The following ROBO2 variants were observed in gnomAD, a reference collection of about 807,000 sequenced individuals.
ROBO2 encodes roundabout homolog 2.
A neutral mutation model predicts 160.8 loss-of-function variants in ROBO2; 53 were observed. The observed-to-expected ratio is 0.33, with a 90% CI of 0.26 to 0.41. ROBO2 has a LOEUF of 0.41. Among genes scored for constraint, ROBO2 ranks in the 10% least tolerant of loss-of-function variants. The pLI is 1.00. For synonymous variants in ROBO2, 664 were observed against 611.7 expected (o/e 1.09, Z -1.26); for missense variants, 1,577 against 1,722.4 (o/e 0.92, Z 1.49).
At chr3:77,577,500 C>G in exon 15 of ROBO2, 1 of 1,613,266 alleles carries the variant, frequency 6.2e-7, no homozygotes, top group Non-Finnish European at 8.5e-7. Context: ...CCCCAAGTGC[C>G]CCACCACAGT....
intron 2 of ROBO2, among the ~76,000 whole-genome samples, chr3:77,338,385 G>A (rs1158143663): frequency 6.6e-6 from 1 of 152,056 alleles, no homozygotes; most frequent in Non-Finnish European, 1.5e-5. Context: ...ATCTCAGACA[G>A]GATCACCACG....
rs115202682 is a variant in ROBO2, at chr3:77,248,432, A to G, written c.388+150092A>G. Among the ~76,000 whole-genome samples, 702 of 151,826 alleles carry G rather than the reference A, an allele frequency of 4.6e-3. 1 individual carries two copies. The highest frequency in any genetic ancestry group is 0.016 in the African/African-American group (667 of 41,210). On this transcript the variant is annotated intron_variant, in intron 2 of 25. Coordinates refer to ENST00000461745, the Ensembl canonical transcript of ROBO2. ...GCTGTTAACACTGAAAAACTGTCACACTGACCCTCCGCTGAGCTGCTAACA... is the reference window on the plus strand; with the variant it reads ...GCTGTTAACACTGAAAAACTGTCACGCTGACCCTCCGCTGAGCTGCTAACA...
At chr3:76,545,466 C>A (rs974875907) in intron 2 of ROBO2, among the ~76,000 whole-genome samples, 1 of 151,912 alleles carries the variant, frequency 6.6e-6, no homozygotes, top group African/African-American at 2.4e-5. Context: ...TAAGATAAGG[C>A]TTACAAGTAA....
At chr3:77,166,031 T>C (rs2150689955) in intron 2 of ROBO2, among the ~76,000 whole-genome samples, 1 of 152,274 alleles carries the variant, frequency 6.6e-6, no homozygotes, top group Admixed American at 6.5e-5. Flanking sequence ...ATGGTGATAC[T>C]TTACCCATAA....
chr3:76,598,225 T>G (rs2108904367), intron 2 of ROBO2, among the ~76,000 whole-genome samples: 1 of 152,098 alleles, frequency 6.6e-6, no homozygotes, highest in East Asian at 1.9e-4. Context: ...AATGACAAAT[T>G]TTTAGAAATG....
intron 1 of ROBO2, among the ~76,000 whole-genome samples, chr3:77,054,421 T>A (rs1303579394): frequency 1.3e-5 from 2 of 152,122 alleles, no homozygotes; most frequent in Non-Finnish European, 2.9e-5. Context: ...AATTCAAGAG[T>A]AATATTTTCT....
chr3:77,092,575 ATAT>A (rs2070444399), intron 1 of ROBO2, among the ~76,000 whole-genome samples: 1 of 146,824 alleles, frequency 6.8e-6, no homozygotes, highest in African/African-American at 2.5e-5. Context: ...TTATTAATAT[ATAT>A]TATTTTAATT....
chr3:77,524,514 C>T (rs1041727582), intron 6 of ROBO2, among the ~76,000 whole-genome samples: 7 of 151,258 alleles, frequency 4.6e-5, no homozygotes, highest in African/African-American at 1.5e-4. Flanking sequence ...CCAATAAATG[C>T]TCCATCCGAA....
At chr3:76,729,012 T>G (rs961698193) in intron 2 of ROBO2, among the ~76,000 whole-genome samples, 1 of 152,160 alleles carries the variant, frequency 6.6e-6, no homozygotes, top group Non-Finnish European at 1.5e-5. Context: ...TTTTGGTACT[T>G]AAAACATCTT....
chr3:76,588,044 GGT>G (rs1192466427), intron 2 of ROBO2, among the ~76,000 whole-genome samples: 1 of 152,062 alleles, frequency 6.6e-6, no homozygotes, highest in Non-Finnish European at 1.5e-5. Flanking sequence ...AAATTAATGG[GGT>G]GTGTGTGTTT....
At chr3:76,160,002 G>C (rs1254839479) in intron 2 of ROBO2, among the ~76,000 whole-genome samples, 3 of 152,138 alleles carry the variant, frequency 2.0e-5, no homozygotes. Context: ...GAACGTTGTT[G>C]TGGTGGAGAA....
intron 2 of ROBO2, among the ~76,000 whole-genome samples, chr3:77,331,748 G>C (rs942318931): frequency 7.9e-5 from 12 of 151,506 alleles, no homozygotes; most frequent in African/African-American, 2.7e-4. Flanking sequence ...CTGTCACCTA[G>C]GCTGGAGTGC....
At position 76,667,716 on chromosome 3, in the gene ROBO2, A is replaced by G. The variant is rs765809591; in HGVS notation, c.110-430298A>G. On this transcript the variant is annotated intron_variant, in intron 2 of 26. Transcript: ENST00000487694. ...TAGCAGTGATCAGACTTTTTGGCTCATAAGTGCTCTAAACAATTTTAAACT... is the reference window on the plus strand; with the variant it reads ...TAGCAGTGATCAGACTTTTTGGCTCGTAAGTGCTCTAAACAATTTTAAACT... Among the ~76,000 whole-genome samples, 58 of 81,702 alleles carry G rather than the reference A, an allele frequency of 7.1e-4. 1 individual carries two copies. Among genetic ancestry groups the G allele is most frequent in the Middle Eastern group, 9.3e-3 (1 of 108 alleles). 53.6% of individuals were successfully genotyped at this position (81,702 alleles called of 152,430 possible). A position where few individuals can be genotyped will look rare whatever the true frequency, so the allele number is the denominator to read the frequency against.
At chr3:76,297,124 G>C (rs545204366) in intron 2 of ROBO2, among the ~76,000 whole-genome samples, 8 of 152,148 alleles carry the variant, frequency 5.3e-5, no homozygotes, top group Admixed American at 4.6e-4. Context: ...CTGGTTATGT[G>C]GGATTTTATA....
intron 2 of ROBO2, among the ~76,000 whole-genome samples, chr3:76,388,470 A>G (rs1290946580): frequency 1.3e-5 from 2 of 152,010 alleles, no homozygotes; most frequent in Non-Finnish European, 2.9e-5. Context: ...ACGGGGTTCC[A>G]CCGTGTTAGC....
Position 77,556,344 on chromosome 3 carries a change from G to A in ROBO2, c.1232-1600G>A, listed in dbSNP as rs2093120116. Among the ~76,000 whole-genome samples, 3 of 151,888 alleles carry A rather than the reference G, an allele frequency of 2.0e-5. No homozygotes were observed. In the South Asian group the frequency reaches 6.2e-4, roughly 31 times the overall value. The stretch of plus-strand genomic sequence containing the variant: ...AAGTAAGAATTTGATGAAAAAAGCA[G>A]TGAAATAAATGATTCTAATTTTTGT... On this transcript the variant is annotated intron_variant, in intron 8 of 25. Coordinates refer to ENST00000461745, the Ensembl canonical transcript of ROBO2.
At chr3:75,992,606 A>G (rs1033171789) in intron 2 of ROBO2, among the ~76,000 whole-genome samples, 1 of 152,186 alleles carries the variant, frequency 6.6e-6, no homozygotes, top group African/African-American at 2.4e-5. Flanking sequence ...GAGCCCCCAC[A>G]GAGAGTCCCT....
At chr3:77,133,070 A>G (rs569258480) in intron 2 of ROBO2, among the ~76,000 whole-genome samples, 1 of 152,172 alleles carries the variant, frequency 6.6e-6, no homozygotes, top group Non-Finnish European at 1.5e-5. Flanking sequence ...GCTTCTTATA[A>G]TCTTCAATAC....
At chr3:76,872,411 C>G (rs1383981351) in intron 2 of ROBO2, among the ~76,000 whole-genome samples, 2 of 151,894 alleles carry the variant, frequency 1.3e-5, no homozygotes, top group Non-Finnish European at 2.9e-5. Flanking sequence ...TGTTGTTTCT[C>G]TGTAATTATA....
Sources: gnomAD v4.1 joint callset for allele counts (sites outside exome capture counted in the v4.1 genomes callset) on GRCh38, gnomAD v4.1.1 for gene constraint, MANE v1.5 for transcripts, NCBI Gene and HGNC (gene_info 2026-07-23, HGNC 2026-07-21) for gene names.